The following AGMO variants were observed in gnomAD, a reference collection of about 807,000 sequenced individuals.
The protein encoded by AGMO is glyceryl-ether monooxygenase.
AGMO carries 75 observed loss-of-function variants against 60.2 expected under a neutral mutation model. That is an observed-to-expected ratio of 1.25 (90% confidence interval 1.03 to 1.51). The LOEUF is 1.51. Ranked by LOEUF, AGMO falls within the 40% of genes most tolerant of loss-of-function variation. The pLI, the probability that AGMO is intolerant of heterozygous loss-of-function variation, is 0.00. For missense variants in AGMO, 763 were observed against 525.5 expected (o/e 1.45, Z -4.42); for synonymous variants, 261 against 177.1 (o/e 1.47, Z -3.76).
intron 3 of AGMO, among the ~76,000 whole-genome samples, chr7:15,485,043 T>C (rs1181592447): frequency 2.0e-5 from 3 of 150,566 alleles, no homozygotes; most frequent in East Asian, 2.0e-4. Flanking sequence ...AAGAAAAATA[T>C]GTTTTACACT....
intron 3 of AGMO, among the ~76,000 whole-genome samples, chr7:15,538,230 G>GTATTAT (rs139373405): frequency 2.0e-5 from 3 of 151,516 alleles, no homozygotes; most frequent in East Asian, 1.9e-4. Flanking sequence ...CAATCACAAT[G>GTATTAT]TATTATTATT....
intron 3 of AGMO, among the ~76,000 whole-genome samples, chr7:15,517,172 A>C (rs955801365): frequency 3.3e-5 from 5 of 152,086 alleles, no homozygotes; most frequent in Admixed American, 3.3e-4. Context: ...AAATATATAA[A>C]GTCAAACTTG....
rs1164408349 is a variant in AGMO at position 15,365,518 on chromosome 7, A to G, written c.1259T>C (p.Phe420Ser). 1 of 1,609,514 alleles carries G rather than the reference A, an allele frequency of 6.2e-7. No individual in the cohort carries two copies. The highest frequency in any genetic ancestry group is 8.5e-7 in the Non-Finnish European group (1 of 1,176,394). The change falls in exon 12 of 13, where the codon TTT becomes TCT. Residue 420 changes from phenylalanine (F) to serine (S), a missense_variant. Phe to Ser is a radical substitution (Grantham distance 155). Transcript: ENST00000342526. ...CTACCTAAACAAATGTCTTACCTCAAAAGCAGATGACAATGAAGGGACAAG... is the reference window on the plus strand; with the variant it reads ...CTACCTAAACAAATGTCTTACCTCAGAAGCAGATGACAATGAAGGGACAAG... ...KPLVPSLSSA[F>S]EIVFSICIAF...
At chr7:15,416,027 CTTTTTTT>C (rs759040945) in intron 5 of AGMO, among the ~76,000 whole-genome samples, 15 of 130,894 alleles carry the variant, frequency 1.1e-4, no homozygotes, top group African/African-American at 2.2e-4. Context: ...TTCTTTTTTT[CTTTTTTT>C]TTTTTTTTTT....
intron 3 of AGMO, among the ~76,000 whole-genome samples, chr7:15,529,598 T>C (rs563790683): frequency 9.7e-4 from 53 of 54,896 alleles, no homozygotes; most frequent in African/African-American, 4.1e-3. Flanking sequence ...ATATAAACTC[T>C]ATATATAGAG....
At chr7:15,479,038 C>A (rs534674975) in intron 3 of AGMO, among the ~76,000 whole-genome samples, 2 of 152,048 alleles carry the variant, frequency 1.3e-5, no homozygotes, top group Non-Finnish European at 2.9e-5. Context: ...ACAGCTCTGA[C>A]ATTCAAGTTA....
chr7:15,257,099 G>A (rs1046440733), intron 12 of AGMO, among the ~76,000 whole-genome samples: 2 of 152,080 alleles, frequency 1.3e-5, no homozygotes, highest in Admixed American at 1.3e-4. Flanking sequence ...GTTTTTGTAT[G>A]CTGCGGTTTT....
At chr7:15,379,454 AAAC>A (rs1783589651) in intron 10 of AGMO, among the ~76,000 whole-genome samples, 1 of 152,140 alleles carries the variant, frequency 6.6e-6, no homozygotes, top group Non-Finnish European at 1.5e-5. Context: ...ACAGAAGTAC[AAAC>A]AACAATCAGA....
At chr7:15,222,142 G>C (rs2128497173) in intron 12 of AGMO, among the ~76,000 whole-genome samples, 1 of 152,174 alleles carries the variant, frequency 6.6e-6, no homozygotes, top group Admixed American at 6.5e-5. Context: ...CTACTTTTTA[G>C]TCACTTTATT....
At chr7:15,132,676 G>C in the AGMO span, among the ~76,000 whole-genome samples, 3 of 152,288 alleles carry the variant, frequency 2.0e-5, no homozygotes, top group Admixed American at 1.3e-4. Context: ...GAAAGTGATC[G>C]TGGCTGAAGA....
At position 15,507,271 on chromosome 7, in the gene AGMO, A is replaced by G. The variant is rs561718675; in HGVS notation, c.409+37501T>C. 2.0e-3 allele frequency among the ~76,000 whole-genome samples: 306 copies of G among 152,172 alleles called. 1 individual carries two copies. The highest frequency in any genetic ancestry group is 6.5e-3 in the African/African-American group (269 of 41,546). On this transcript the variant is annotated intron_variant, in intron 3 of 12. Transcript: ENST00000342526. ...CCACAATGACTGGAAAATTATCAAC[A>G]TAGGGATGGGTAGCATGAATATCAA...
chr7:15,403,312 G>C (rs1374258867), intron 5 of AGMO, among the ~76,000 whole-genome samples: 1 of 151,858 alleles, frequency 6.6e-6, no homozygotes, highest in East Asian at 1.9e-4. Context: ...AGAGAATTTA[G>C]ATTATTCTTT....
At chr7:15,391,878 T>C (rs1784152253) in intron 6 of AGMO, among the ~76,000 whole-genome samples, 1 of 152,102 alleles carries the variant, frequency 6.6e-6, no homozygotes, top group Non-Finnish European at 1.5e-5. Flanking sequence ...GTGACGTTGC[T>C]AAATTTCCCA....
intron 10 of AGMO, among the ~76,000 whole-genome samples, chr7:15,378,271 A>G (rs1314083970): frequency 6.6e-6 from 1 of 152,028 alleles, no homozygotes; most frequent in Non-Finnish European, 1.5e-5. Flanking sequence ...GGGTTCCTAT[A>G]TGAAGAATAA....
At chr7:15,360,864 G>A (rs936148221) in intron 12 of AGMO, among the ~76,000 whole-genome samples, 10 of 152,118 alleles carry the variant, frequency 6.6e-5, no homozygotes, top group African/African-American at 2.4e-4. Context: ...ATGCCCTCAT[G>A]CCCACACCTG....
At position 15,239,578 on chromosome 7, in the gene AGMO, C is replaced by T. The variant is rs138204951; in HGVS notation, c.1264-38219G>A. On this transcript the variant is annotated intron_variant, in intron 12 of 12. Transcript: ENST00000342526. The stretch of plus-strand genomic sequence containing the variant: ...TACTTAAAAGAACCCTATAGCAATT[C>T]GTGTTGTTATTTGAAAGCAGTGTGC... Among the ~76,000 whole-genome samples, 179 of 152,184 alleles carry T rather than the reference C, an allele frequency of 1.2e-3. 2 individuals carry two copies. In the South Asian group the frequency reaches 0.016, roughly 13 times the overall value.
At chr7:15,467,956 C>G (rs770532368) in intron 3 of AGMO, among the ~76,000 whole-genome samples, 13 of 152,112 alleles carry the variant, frequency 8.5e-5, no homozygotes, top group Non-Finnish European at 1.8e-4. Context: ...CAAACAAACT[C>G]AACTTCCCCT....
chr7:15,283,046 T>C (rs985802986), intron 12 of AGMO, among the ~76,000 whole-genome samples: 2 of 152,126 alleles, frequency 1.3e-5, no homozygotes, highest in African/African-American at 2.4e-5. Flanking sequence ...GCTGAGGAAA[T>C]TTATCACTAC....
At chr7:15,332,423 GAC>G (rs950607062) in intron 12 of AGMO, among the ~76,000 whole-genome samples, 1 of 152,146 alleles carries the variant, frequency 6.6e-6, no homozygotes, top group Non-Finnish European at 1.5e-5. Context: ...GAAGCTAAAA[GAC>G]ACCATGTTTT....
Sources: allele counts gnomAD v4.1 joint callset (sites outside exome capture counted in the v4.1 genomes callset), GRCh38; gene constraint gnomAD v4.1.1; transcripts MANE v1.5; gene names NCBI Gene and HGNC (gene_info 2026-07-23, HGNC 2026-07-21).